DAO: variants seen among roughly 807,000 people sequenced by gnomAD.
DAO encodes D-amino-acid oxidase.
DAO carries 51 observed loss-of-function variants against 50.1 expected under a neutral mutation model. That is an observed-to-expected ratio of 1.02 (90% CI 0.81 to 1.29). The LOEUF (loss-of-function observed/expected upper bound fraction) is 1.29, where lower values mean the gene tolerates loss of function less well. Ranked by LOEUF, DAO falls within the 50% of genes most tolerant of loss-of-function variation. The probability of loss-of-function intolerance (pLI) is 0.00; values close to 1 mark genes in which losing one functional copy is unlikely to be tolerated. For missense variants in DAO, 436 were observed against 439.4 expected (o/e 0.99, Z 0.07); for synonymous variants, 160 against 166.2 (o/e 0.96, Z 0.29).
intron 10 of DAO, 124 bp downstream of exon 10, chr12:108,899,599 G>T (rs2039600306): frequency 7.3e-6 from 6 of 824,490 alleles, no homozygotes; most frequent in Non-Finnish European, 1.0e-5. Flanking sequence ...AGGGGCAGTG[G>T]TGGCTAATAT....
At chr12:108,881,162 T>TCACACACACA (rs66697500) in intron 1 of DAO, among the ~76,000 whole-genome samples, 3,882 of 139,266 alleles carry the variant, frequency 0.028, 172 homozygotes, top group African/African-American at 0.093. Flanking sequence ...GACATTCTAA[T>TCACACACACA]CACACACACA....
chr12:108,889,406 G>T, intron 3 of DAO, 63 bp from the exon 4 acceptor site: 4 of 1,158,588 alleles, frequency 3.5e-6, no homozygotes, highest in Non-Finnish European at 3.9e-6. Context: ...CACCTCGCCT[G>T]GCCCATTATC....
At chr12:108,881,162 T>TCTCACACACACACACA (rs1555244702) in intron 1 of DAO, among the ~76,000 whole-genome samples, 3 of 139,230 alleles carry the variant, frequency 2.2e-5, no homozygotes, top group South Asian at 2.4e-4. Flanking sequence ...GACATTCTAA[T>TCTCACACACACACACA]CACACACACA....
At chr12:108,891,379 A>G (rs1323475672) in intron 5 of DAO, among the ~76,000 whole-genome samples, 3 of 151,060 alleles carry the variant, frequency 2.0e-5, no homozygotes, top group Non-Finnish European at 4.4e-5. Context: ...TATCCCGGGA[A>G]GGAGAGGCTG....
rs767019180 is a variant in DAO, at chr12:108,894,262, G to T, written c.508-1G>T. 5.0e-6 allele frequency: 8 copies of T among 1,613,420 alleles called. No homozygotes were observed. The African/African-American group carries it at 1.1e-4, about 22-fold the overall frequency. ...CCCACTACCCTGTTGGTTGCTACCA[G>T]GTGGCAAGAGAAGGCGCAGACGTGA... On this transcript the variant is annotated splice_acceptor_variant, in intron 6 of 10. Coordinates refer to ENST00000228476, the MANE Select transcript of DAO (RefSeq NM_001917.5). LOFTEE classifies it high-confidence loss of function.
At chr12:108,882,624 C>T (rs1031844419) in intron 1 of DAO, among the ~76,000 whole-genome samples, 29 of 152,138 alleles carry the variant, frequency 1.9e-4, no homozygotes, top group Admixed American at 4.6e-4. Flanking sequence ...AAGTCTGCAT[C>T]CTGGGAGGAC....
chr12:108,896,415 G>A (rs773387531), intron 7 of DAO, among the ~76,000 whole-genome samples: 1 of 78,406 alleles, frequency 1.3e-5, no homozygotes, highest in Non-Finnish European at 2.1e-5. Flanking sequence ...GAGCGAGGCT[G>A]TCTCAAAAAA....
chr12:108,899,673 T>C (rs1426815696), intron 10 of DAO, 198 bp downstream of exon 10: 6 of 631,348 alleles, frequency 9.5e-6, no homozygotes, highest in African/African-American at 7.2e-5. Flanking sequence ...CAAGGTTACA[T>C]AGAGGGGCAG....
chr12:108,894,235 C>T, intron 6 of DAO, 28 bp from the exon 7 acceptor site: 3 of 1,564,878 alleles, frequency 1.9e-6, no homozygotes, highest in Non-Finnish European at 2.6e-6. Context: ...CACCTTTCAT[C>T]CCCCACTACC....
intron 3 of DAO, among the ~76,000 whole-genome samples, chr12:108,888,098 C>T (rs542494794): frequency 1.5e-4 from 23 of 152,284 alleles, no homozygotes; most frequent in African/African-American, 5.3e-4. Context: ...GTAACTTGCC[C>T]AAGGCCACAG....
At chr12:108,895,630 G>A (rs1460306254) in intron 7 of DAO, among the ~76,000 whole-genome samples, 1 of 140,952 alleles carries the variant, frequency 7.1e-6, no homozygotes, top group East Asian at 2.1e-4. Flanking sequence ...ATGTATGCAT[G>A]TGTGTGAGGG....
At chr12:108,898,817 A>G in intron 9 of DAO, 21 bp downstream of exon 9, 1 of 1,563,002 alleles carries the variant, frequency 6.4e-7, no homozygotes, top group Non-Finnish European at 8.8e-7. Context: ...GAGGAGTAGC[A>G]GTGCCCTAAA....
intron 3 of DAO, 56 bp downstream of exon 3, chr12:108,887,620 G>C: frequency 7.8e-7 from 1 of 1,284,258 alleles, no homozygotes; most frequent in Non-Finnish European, 1.1e-6. Flanking sequence ...GGGTAGTGAG[G>C]GTGGGTGCAG....
At chr12:108,893,092 C>T in intron 6 of DAO, 56 bp downstream of exon 6, 4 of 1,512,316 alleles carry the variant, frequency 2.6e-6, no homozygotes, top group Non-Finnish European at 3.7e-6. Flanking sequence ...GAGGCCTCTG[C>T]TTCTTGCTGC....
chr12:108,888,235 C>T (rs1023251957), intron 3 of DAO, among the ~76,000 whole-genome samples: 21 of 152,204 alleles, frequency 1.4e-4, no homozygotes, highest in African/African-American at 4.1e-4. Context: ...GGTGGTCTGG[C>T]GCTGTGCCCA....
At chr12:108,892,738 TC>T (rs1025314971) in intron 5 of DAO, among the ~76,000 whole-genome samples, 21 of 152,132 alleles carry the variant, frequency 1.4e-4, no homozygotes, top group African/African-American at 5.1e-4. Flanking sequence ...GCAAGGCCCT[TC>T]CCCCACTCCA....
intron 7 of DAO, among the ~76,000 whole-genome samples, chr12:108,894,857 C>T (rs952965630): frequency 4.6e-5 from 7 of 152,182 alleles, no homozygotes; most frequent in South Asian, 2.1e-4. Context: ...AGACTACAAG[C>T]GCATGCCACC....
chr12:108,896,461 A>G (rs2039558967), intron 7 of DAO, among the ~76,000 whole-genome samples: 1 of 150,992 alleles, frequency 6.6e-6, no homozygotes, highest in East Asian at 2.0e-4. Flanking sequence ...TTGAAGGAAA[A>G]AGGAATGGAG....
chr12:108,883,266 C>A (rs532497593), intron 1 of DAO, among the ~76,000 whole-genome samples: 59 of 152,334 alleles, frequency 3.9e-4, no homozygotes, highest in African/African-American at 1.4e-3. Flanking sequence ...CCTGCCTCAG[C>A]CTCCCGAGTA....
Sources: gnomAD v4.1 joint callset for allele counts (sites outside exome capture counted in the v4.1 genomes callset) on GRCh38, gnomAD v4.1.1 for gene constraint, MANE v1.5 for transcripts, NCBI Gene and HGNC (gene_info 2026-07-23, HGNC 2026-07-21) for gene names.